Variants in VWA3B observed in about 807,000 individuals in gnomAD.
VWA3B encodes von Willebrand factor A domain containing 3B.
VWA3B carries 138 observed loss-of-function variants against 158.3 expected under a neutral mutation model. The ratio of observed to expected loss-of-function variants is 0.87; its 90% CI spans 0.76 to 1.00. The LOEUF (loss-of-function observed/expected upper bound fraction) is 1.00. Ranked by LOEUF, VWA3B falls within the 50% of genes least tolerant of loss-of-function variation. The pLI, the probability that VWA3B is intolerant of heterozygous loss-of-function variation, is 0.00. For synonymous variants in VWA3B, 596 were observed against 587.3 expected (o/e 1.01, Z -0.21); for missense variants, 1,555 against 1,565.1 (o/e 0.99, Z 0.11).
chr2:98,222,632 AG>A (rs1684604094), intron 14 of VWA3B, among the ~76,000 whole-genome samples: 1 of 152,202 alleles, frequency 6.6e-6, no homozygotes, highest in Non-Finnish European at 1.5e-5. Flanking sequence ...GAACACCTGG[AG>A]GACAGCAGGG....
chr2:98,121,669 C>T (rs1674977916), intron 5 of VWA3B, among the ~76,000 whole-genome samples: 1 of 152,126 alleles, frequency 6.6e-6, no homozygotes, highest in Admixed American at 6.5e-5. Flanking sequence ...TGGCTAGGCT[C>T]CCTCTGTGGG....
chr2:98,250,497 C>T, intron 20 of VWA3B, 61 bp downstream of exon 20: 2 of 1,242,806 alleles, frequency 1.6e-6, no homozygotes, highest in South Asian at 1.5e-5. Flanking sequence ...GAGAAGGAGA[C>T]TTCTCTTGTT....
intron 1 of VWA3B, among the ~76,000 whole-genome samples, chr2:98,089,488 G>A (rs868763195): frequency 2.0e-5 from 3 of 151,924 alleles, no homozygotes; most frequent in Admixed American, 6.6e-5. Flanking sequence ...CCAACCTGGA[G>A]GTGGGAAAGC....
chr2:98,227,073 G>T (rs771152932), intron 14 of VWA3B, among the ~76,000 whole-genome samples: 4 of 152,132 alleles, frequency 2.6e-5, no homozygotes, highest in Non-Finnish European at 5.9e-5. Context: ...AGAAATAAAG[G>T]GTGTTCAAAT....
chr2:98,252,602 T>C (rs1188259791), intron 20 of VWA3B, among the ~76,000 whole-genome samples: 4 of 152,068 alleles, frequency 2.6e-5, no homozygotes, highest in African/African-American at 9.7e-5. Context: ...GTTGTGAGGA[T>C]TATGTAAATG....
In VWA3B at chr2:98,163,078, C is replaced by T. The variant is rs1678763799; in HGVS notation, c.1114+102C>T. 5 of 1,541,092 alleles carry T rather than the reference C, an allele frequency of 3.2e-6. No individual in the cohort carries two copies. In the Admixed American group the frequency reaches 5.6e-5, roughly 17 times the overall value. On this transcript the variant is annotated intron_variant, in intron 8 of 27. Transcript: ENST00000477737. ...TCCTGACCAGAGAAGCTCCAGAGCC[C>T]AGCTGCGAGGGGCTGCTGAGGAGAG... is the stretch of plus-strand genomic sequence containing the variant.
At chr2:98,231,844 A>T (rs1344001977) in intron 16 of VWA3B, among the ~76,000 whole-genome samples, 2 of 152,226 alleles carry the variant, frequency 1.3e-5, no homozygotes, top group Non-Finnish European at 2.9e-5. Context: ...AATATTTCCC[A>T]CTTAGTCTCA....
chr2:98,262,629 T>G (rs1373046344), intron 21 of VWA3B, among the ~76,000 whole-genome samples: 2 of 151,840 alleles, frequency 1.3e-5, no homozygotes, highest in Non-Finnish European at 2.9e-5. Context: ...GTATTCAATA[T>G]GTCTGTCTTT....
chr2:98,242,941 A>G (rs1184402308), intron 19 of VWA3B, among the ~76,000 whole-genome samples: 1 of 151,812 alleles, frequency 6.6e-6, no homozygotes, highest in Non-Finnish European at 1.5e-5. Flanking sequence ...TTTTTAATTA[A>G]AAATTTAAAA....
intron 6 of VWA3B, among the ~76,000 whole-genome samples, chr2:98,129,171 C>T (rs901316095): frequency 6.6e-6 from 1 of 151,528 alleles, no homozygotes; most frequent in Non-Finnish European, 1.5e-5. Flanking sequence ...TCACTCTGTT[C>T]TCACACGGTG....
At chr2:98,124,191 T>C (rs1675184029) in intron 5 of VWA3B, among the ~76,000 whole-genome samples, 1 of 152,252 alleles carries the variant, frequency 6.6e-6, no homozygotes, top group Non-Finnish European at 1.5e-5. Context: ...TTTGTGTCTC[T>C]GATGCCTAAC....
chr2:98,232,539 T>C (rs1023807737), intron 16 of VWA3B, among the ~76,000 whole-genome samples: 1 of 152,214 alleles, frequency 6.6e-6, no homozygotes. Flanking sequence ...GCATTTGCTT[T>C]TTCTGATTGA....
At chr2:98,155,939 C>G (rs1678032082) in intron 7 of VWA3B, among the ~76,000 whole-genome samples, 2 of 152,168 alleles carry the variant, frequency 1.3e-5, no homozygotes, top group African/African-American at 2.4e-5. Flanking sequence ...TTACATGCCT[C>G]TCTCACGTCT....
chr2:98,191,894 CA>C (rs979710964), intron 10 of VWA3B, among the ~76,000 whole-genome samples: 33 of 152,214 alleles, frequency 2.2e-4, no homozygotes, highest in African/African-American at 7.5e-4. Flanking sequence ...ACTCTGAGCT[CA>C]ATTCAAATAT....
chr2:98,121,001 AT>A (rs1674914577), intron 4 of VWA3B, among the ~76,000 whole-genome samples: 1 of 152,240 alleles, frequency 6.6e-6, no homozygotes, highest in African/African-American at 2.4e-5. Flanking sequence ...TTTATAAAAA[AT>A]AACTTCTCTT....
At chr2:98,279,546 T>C (rs1394996477) in intron 22 of VWA3B, among the ~76,000 whole-genome samples, 1 of 152,182 alleles carries the variant, frequency 6.6e-6, no homozygotes, top group African/African-American at 2.4e-5. Context: ...CAGAATCCAA[T>C]TCATTCAGCA....
chr2:98,318,699 C>G, the VWA3B span, among the ~76,000 whole-genome samples: 2 of 152,154 alleles, frequency 1.3e-5, no homozygotes, highest in African/African-American at 4.8e-5. Flanking sequence ...ATGTAACAAA[C>G]CTGCACATGT....
At chr2:98,173,685 G>T (rs1679778981) in intron 8 of VWA3B, among the ~76,000 whole-genome samples, 1 of 152,146 alleles carries the variant, frequency 6.6e-6, no homozygotes, top group Non-Finnish European at 1.5e-5. Context: ...GACTGTGGAG[G>T]GCTGGGCGCC....
intron 5 of VWA3B, among the ~76,000 whole-genome samples, chr2:98,126,753 G>A (rs1407107199): frequency 2.0e-5 from 3 of 152,184 alleles, no homozygotes; most frequent in Non-Finnish European, 2.9e-5. Context: ...AGGAGCTGGC[G>A]TTGAAAGGCC....
Sources: allele counts gnomAD v4.1 joint callset (sites outside exome capture counted in the v4.1 genomes callset), GRCh38; gene constraint gnomAD v4.1.1; transcripts MANE v1.5; gene names NCBI Gene and HGNC (gene_info 2026-07-23, HGNC 2026-07-21).